Variants in LRRC75A observed in about 807,000 individuals in gnomAD.
The protein encoded by LRRC75A is leucine-rich repeat-containing protein 75A.
LRRC75A carries 12 observed loss-of-function variants against 26.0 expected under a neutral mutation model. The ratio of observed to expected loss-of-function variants is 0.46; its 90% CI spans 0.30 to 0.75. LRRC75A has a LOEUF of 0.75. Among genes scored for constraint, LRRC75A ranks in the 30% least tolerant of loss-of-function variants. The pLI, the probability that LRRC75A is intolerant of heterozygous loss-of-function variation, is 0.08. For missense variants in LRRC75A, 410 were observed against 486.6 expected (o/e 0.84, Z 1.48); for synonymous variants, 223 against 219.3 (o/e 1.02, Z -0.15).
chr17:16,470,006 C>T (rs2093798130), intron 1 of LRRC75A, among the ~76,000 whole-genome samples: 1 of 152,124 alleles, frequency 6.6e-6, no homozygotes, highest in Non-Finnish European at 1.5e-5. Flanking sequence ...GTCTCAGATT[C>T]CTGGGAGGAA....
rs948147503 is a variant in LRRC75A at position 16,441,746 on chromosome 17, C to T, written c.*1842G>A. 2.9e-5 allele frequency: 7 copies of T among 237,806 alleles called. No homozygotes were observed. Among genetic ancestry groups the T allele is most frequent in the African/African-American group, 1.2e-4 (5 of 43,286 alleles). The allele number at this position is 237,806 out of a possible 1,614,324, so 14.7% of individuals were successfully genotyped here. On this transcript the variant is annotated 3_prime_UTR_variant, in exon 4 of 4. Transcript: ENST00000470794. The stretch of plus-strand genomic sequence containing the variant: ...GGCTAAAATTTTTTTTTTGTTGAGA[C>T]GGATTCTCTATGTTGCCCAGGCTGG...
intron 1 of LRRC75A, among the ~76,000 whole-genome samples, chr17:16,487,088 G>A (rs954269874): frequency 3.9e-5 from 6 of 152,184 alleles, no homozygotes; most frequent in African/African-American, 1.4e-4. Flanking sequence ...GAAAAACTCT[G>A]CATGGATTGA....
chr17:16,456,628 G>C (rs2093687711), intron 2 of LRRC75A, among the ~76,000 whole-genome samples: 1 of 152,174 alleles, frequency 6.6e-6, no homozygotes, highest in South Asian at 2.1e-4. Context: ...AGAGCAGTCT[G>C]TGCAGAGGGA....
chr17:16,490,405 T>C (rs570231807), intron 1 of LRRC75A, among the ~76,000 whole-genome samples: 1 of 152,362 alleles, frequency 6.6e-6, no homozygotes, highest in African/African-American at 2.4e-5. Context: ...TGGTGCATAA[T>C]GTCATCTTTC....
chr17:16,452,051 G>A (rs892938159), intron 2 of LRRC75A, among the ~76,000 whole-genome samples: 4 of 151,962 alleles, frequency 2.6e-5, no homozygotes, highest in African/African-American at 9.7e-5. Context: ...TCTCAGGGGA[G>A]CTTTAAAGTC....
chr17:16,481,084 C>T lies in LRRC75A; in HGVS notation c.246+10661G>A, dbSNP rs572736373. Among the ~76,000 whole-genome samples, 1,385 of 152,364 alleles carry T rather than the reference C, an allele frequency of 9.1e-3. 10 individuals carry two copies. Among genetic ancestry groups the T allele is most frequent in the Non-Finnish European group, 0.014 (973 of 68,040 alleles). Reference sequence around the variant, plus strand: ...CGTGGAACCCCTCCTGCTGCCATTTCCTCCAGTGAGGGAGAGGGGCAGAGG... The same window carrying T: ...CGTGGAACCCCTCCTGCTGCCATTTTCTCCAGTGAGGGAGAGGGGCAGAGG... On this transcript the variant is annotated intron_variant, in intron 1 of 3. Coordinates refer to ENST00000470794, the MANE Select transcript of LRRC75A (RefSeq NM_001113567.3).
At chr17:16,480,944 G>T (rs1276252281) in intron 1 of LRRC75A, among the ~76,000 whole-genome samples, 2 of 152,228 alleles carry the variant, frequency 1.3e-5, no homozygotes, top group African/African-American at 4.8e-5. Flanking sequence ...TGGGAATTGG[G>T]GACCTGGTCC....
intron 2 of LRRC75A, among the ~76,000 whole-genome samples, chr17:16,449,863 C>T (rs566175076): frequency 1.3e-5 from 2 of 152,244 alleles, no homozygotes; most frequent in South Asian, 2.1e-4. Context: ...GTGATCCACC[C>T]GCCTTGGCCT....
rs926643598 is a variant in LRRC75A at position 16,491,846 on chromosome 17, G to A, written c.145C>T (p.Pro49Ser). ...DKAGRAGAGM[P>S]PYHRRVGMVQ... ...ATGCCGACTCGCCGGTGGTAGGGGG[G>A]CATCCCCGCGCCCGCGCGCCCCGCC... Residue 49 changes from proline to serine, a missense_variant, in exon 1 of 4, where the codon CCC becomes TCC. Physicochemically the swap from Pro to Ser is moderately conservative, Grantham distance 74 (BLOSUM62 -1). Coordinates refer to ENST00000470794, the MANE Select transcript of LRRC75A (RefSeq NM_001113567.3). This position sits in a 1 kb window ranked among gnomAD's most constrained non-coding sequence, Gnocchi z 5.9. 4 of 1,398,076 alleles carry A rather than the reference G, an allele frequency of 2.9e-6. No individual in the cohort carries two copies. Among genetic ancestry groups the A allele is most frequent in the Admixed American group, 5.2e-5 (2 of 38,488 alleles). 86.6% of individuals were successfully genotyped at this position (1,398,076 alleles called of 1,614,324 possible). A position where few individuals can be genotyped will look rare whatever the true frequency, so the allele number is the denominator to read the frequency against.
In LRRC75A at chr17:16,447,896, TG is replaced by T; in HGVS notation, c.439del (p.His147ThrfsTer11). 1 of 1,550,024 alleles carries T rather than the reference TG, an allele frequency of 6.5e-7. No individual in the cohort carries two copies. The highest frequency in any genetic ancestry group is 1.2e-5 in the South Asian group (1 of 83,974). The stretch of plus-strand genomic sequence containing the variant: ...CCCCCGGTGCCGCCTCCACTGGGAG[TG>T]GGGGCTGAGGTGGTATGTCAGCTGC... ...CRQLTYHLSP[H>X]SQWRRHRGLV... On this transcript the variant is annotated frameshift_variant, in exon 3 of 4. Transcript: ENST00000470794. LOFTEE classifies it high-confidence loss of function.
intron 2 of LRRC75A, among the ~76,000 whole-genome samples, chr17:16,452,185 CAAAAAAA>C (rs71152808): frequency 4.6e-4 from 37 of 80,238 alleles, no homozygotes; most frequent in African/African-American, 4.3e-4. Context: ...GACTTGCTCT[CAAAAAAA>C]AAAAAAAAAA....
At chr17:16,450,157 C>T (rs1224886669) in intron 2 of LRRC75A, among the ~76,000 whole-genome samples, 1 of 152,188 alleles carries the variant, frequency 6.6e-6, no homozygotes, top group African/African-American at 2.4e-5. Flanking sequence ...ATGGAATTCC[C>T]ACAGCACCCC....
chr17:16,480,673 G>A (rs2093831974), intron 1 of LRRC75A, among the ~76,000 whole-genome samples: 1 of 150,794 alleles, frequency 6.6e-6, no homozygotes, highest in South Asian at 2.1e-4. Flanking sequence ...CCACTGACAG[G>A]GAATACACTC....
In LRRC75A at chr17:16,491,896, G is replaced by C; in HGVS notation, c.95C>G (p.Ser32Trp). 1 of 1,323,852 alleles carries C rather than the reference G, an allele frequency of 7.6e-7. No homozygotes were observed. The highest frequency in any genetic ancestry group is 9.6e-7 in the Non-Finnish European group (1 of 1,037,012). 82.0% of individuals were successfully genotyped at this position (1,323,852 alleles called of 1,614,324 possible). A position where few individuals can be genotyped will look rare whatever the true frequency, so the allele number is the denominator to read the frequency against. The change falls in exon 1 of 4, where the codon TCG becomes TGG. Residue 32 changes from serine (S) to tryptophan (W), a missense_variant. Physicochemically the swap from Ser to Trp is radical, Grantham distance 177 (BLOSUM62 -3). Coordinates refer to ENST00000470794, the MANE Select transcript of LRRC75A (RefSeq NM_001113567.3). This position sits in a 1 kb window ranked among gnomAD's most constrained non-coding sequence, Gnocchi z 5.9. ...PRRERPDFWA[S>W]LLLRAGDKAG... ...CTTGTCCCCGGCGCGCAGCAGCAGC[G>C]ACGCCCAGAAGTCCGGCCGTTCGCG... is the stretch of plus-strand genomic sequence containing the variant.
At chr17:16,489,865 C>T (rs1387574800) in intron 1 of LRRC75A, among the ~76,000 whole-genome samples, 1 of 146,904 alleles carries the variant, frequency 6.8e-6, no homozygotes. Flanking sequence ...TAAGCCCCCT[C>T]CCACCCCCCC....
At chr17:16,484,152 A>G (rs1376612180) in intron 1 of LRRC75A, among the ~76,000 whole-genome samples, 1 of 152,096 alleles carries the variant, frequency 6.6e-6, no homozygotes, top group African/African-American at 2.4e-5. Context: ...CCTGGCCAAC[A>G]TAGTGAAACC....
intron 2 of LRRC75A, among the ~76,000 whole-genome samples, chr17:16,451,621 CA>C (rs1047064470): frequency 0.011 from 944 of 83,268 alleles, 9 homozygotes; most frequent in African/African-American, 0.025. Context: ...GACTCCATCT[CA>C]AAAAAAAAAA....
rs11078342 is a variant in LRRC75A at position 16,450,303 on chromosome 17, T to C, written c.376-2343A>G. On this transcript the variant is annotated intron_variant, in intron 2 of 3. Coordinates refer to ENST00000470794, the MANE Select transcript of LRRC75A (RefSeq NM_001113567.3). ...GAAGGGGGACAAGAGAGAGAGGAGTTGGGAAGATGGCAGTTGAATGTCCAA... is the reference window on the plus strand; with the variant it reads ...GAAGGGGGACAAGAGAGAGAGGAGTCGGGAAGATGGCAGTTGAATGTCCAA... Among the ~76,000 whole-genome samples the C allele has an allele frequency of 4.3e-4, 66 of 152,116 alleles. 1 individual carries two copies. The South Asian group carries it at 0.013, about 30-fold the overall frequency.
intron 1 of LRRC75A, among the ~76,000 whole-genome samples, chr17:16,467,905 A>T (rs2093781689): frequency 6.6e-6 from 1 of 151,986 alleles, no homozygotes. Flanking sequence ...AACTCCTAAA[A>T]TCCCTTCCCT....
Sources: gnomAD v4.1 joint callset for allele counts (sites outside exome capture counted in the v4.1 genomes callset) on GRCh38, gnomAD v4.1.1 for gene constraint, Gnocchi (gnomAD v3.1) non-coding constraint, MANE v1.5 for transcripts, NCBI Gene and HGNC (gene_info 2026-07-23, HGNC 2026-07-21) for gene names.